The following C1orf141 variants were observed in gnomAD, a reference collection of about 807,000 sequenced individuals.
C1orf141 encodes the protein uncharacterized protein C1orf141.
C1orf141 carries 19 observed loss-of-function variants against 23.2 expected under a neutral mutation model. That is an observed-to-expected ratio of 0.82 (90% CI 0.57 to 1.20). The LOEUF (loss-of-function observed/expected upper bound fraction) is 1.20, where lower values mean the gene tolerates loss of function less well. C1orf141 is among the 50% of genes most tolerant of loss of function. C1orf141 has a pLI of 0.00. For synonymous variants in C1orf141, 153 were observed against 154.6 expected (o/e 0.99, Z 0.08); for missense variants, 469 against 455.1 (o/e 1.03, Z -0.28).
chr1:67,111,433 A>G, intron 5 of C1orf141: 2 of 438,358 alleles, frequency 4.6e-6, no homozygotes, highest in Non-Finnish European at 8.1e-6. Context: ...TTTACATAAT[A>G]TCAGAGATGA....
Position 67,095,370 on chromosome 1 carries a change from G to A in C1orf141, c.468C>T (p.Val156=), listed in dbSNP as rs775938033. Residue 156 remains valine (V), a synonymous_variant, in exon 7 of 8, where the codon GTC becomes GTT. Transcript: ENST00000684719. ...TATACTTACTTAATTGATAATTTCT[G>A]ACCGATTTGTTTTCTTTTATATTAA... ...NDFNIKENKS[V]RNYQLSKYRS... is the part of the protein sequence containing the mutation. The A allele has an allele frequency of 6.4e-7, 1 of 1,570,282 alleles. No individual in the cohort carries two copies. The highest frequency in any genetic ancestry group is 8.7e-7 in the Non-Finnish European group (1 of 1,151,848).
At chr1:67,125,997 A>C in intron 3 of C1orf141, 88 bp from the exon 4 acceptor site, 2 of 1,304,748 alleles carry the variant, frequency 1.5e-6, no homozygotes, top group Non-Finnish European at 2.1e-6. Context: ...AAAAAATCTC[A>C]CTTTACACAC....
At chr1:67,133,819 CTCCATT>C (rs1001104102) in intron 1 of C1orf141, among the ~76,000 whole-genome samples, 1 of 152,120 alleles carries the variant, frequency 6.6e-6, no homozygotes, top group African/African-American at 2.4e-5. Context: ...CTGCCCACCT[CTCCATT>C]TCCAACTTTT....
chr1:67,096,795 A>C (rs1323444729), intron 5 of C1orf141, among the ~76,000 whole-genome samples: 1 of 152,202 alleles, frequency 6.6e-6, no homozygotes, highest in Non-Finnish European at 1.5e-5. Context: ...TATTAGTAAC[A>C]GTTTTAGCTT....
chr1:67,095,298 T>G lies in C1orf141; in HGVS notation c.540A>C (p.Glu180Asp). Residue 180 changes from glutamate to aspartate, a missense_variant, in exon 7 of 8, where the codon GAA (glutamate) becomes GAC (aspartate). Glu to Asp is a conservative substitution (Grantham distance 45, BLOSUM62 2). This residue lies in a region of C1orf141 where 370 missense variants were observed against 348.1 expected (regional missense o/e 1.06). Transcript: ENST00000684719. ...KSLLPLCFEDELKNPHAKIVN... is the reference protein window; with the variant it reads ...KSLLPLCFEDDLKNPHAKIVN... ...CTATCTTGGCATGTGGATTTTTCAA[T>G]TCATCCTCAAAGCACAACGGGAGCA... The G allele has an allele frequency of 6.2e-7, 1 of 1,608,648 alleles. No individual in the cohort carries two copies. Among genetic ancestry groups the G allele is most frequent in the Non-Finnish European group, 8.5e-7 (1 of 1,176,494 alleles).
intron 4 of C1orf141, among the ~76,000 whole-genome samples, chr1:67,121,275 A>T (rs557042785): frequency 1.3e-5 from 2 of 152,298 alleles, no homozygotes; most frequent in East Asian, 3.9e-4. Context: ...CTTATTTTTC[A>T]TGCTATTCAA....
At chr1:67,109,720 G>A (rs930095231) in intron 5 of C1orf141, among the ~76,000 whole-genome samples, 1 of 152,014 alleles carries the variant, frequency 6.6e-6, no homozygotes, top group Non-Finnish European at 1.5e-5. Context: ...TAGTATTTAC[G>A]TCATTGGGTT....
intron 5 of C1orf141, among the ~76,000 whole-genome samples, chr1:67,108,779 G>T (rs1009119856): frequency 1.3e-5 from 2 of 151,818 alleles, no homozygotes; most frequent in African/African-American, 4.8e-5. Context: ...CAAAAAGTAG[G>T]CAAAGGATAT....
intron 4 of C1orf141, chr1:67,123,446 T>C (rs1180302782): frequency 2.0e-5 from 3 of 149,576 alleles, no homozygotes; most frequent in African/African-American, 5.1e-5. Flanking sequence ...TCTAGTTTAT[T>C]TGTCTCTTGT....
rs780053776 is a variant in C1orf141 at position 67,093,592 on chromosome 1, T to C, written c.616A>G (p.Thr206Ala). 6.4e-7 allele frequency: 1 copy of C among 1,565,818 alleles called. No homozygotes were observed. Among genetic ancestry groups the C allele is most frequent in the East Asian group, 2.3e-5 (1 of 44,252 alleles). The change falls in exon 8 of 8, where the codon ACA becomes GCA. Residue 206 changes from threonine (T) to alanine (A), a missense_variant. Transcript: ENST00000684719. ...TVTSHMEQKD[T>A]NPIIFHDTEY... ...GTGTCATGGAAAATTATGGGATTTG[T>C]GTCCTTTTGTTCCTGTAGATTAAAG...
upstream of C1orf141, among the ~76,000 whole-genome samples, chr1:67,139,605 T>C (rs1646616012): frequency 6.6e-6 from 1 of 152,244 alleles, no homozygotes; most frequent in African/African-American, 2.4e-5. Flanking sequence ...ACAGTAAACA[T>C]ATTCATTTGT....
intron 5 of C1orf141, among the ~76,000 whole-genome samples, chr1:67,109,178 A>T (rs956633206): frequency 6.6e-6 from 1 of 151,968 alleles, no homozygotes; most frequent in Non-Finnish European, 1.5e-5. Flanking sequence ...ATACAAAAAA[A>T]TTAGCCAGCA....
intron 4 of C1orf141, among the ~76,000 whole-genome samples, chr1:67,118,613 C>A (rs1169423985): frequency 6.6e-6 from 1 of 152,144 alleles, no homozygotes; most frequent in Non-Finnish European, 1.5e-5. Context: ...ATGTTTGTAT[C>A]CCCCTCAAAT....
chr1:67,103,312 G>T, intron 5 of C1orf141: 1 of 1,493,342 alleles, frequency 6.7e-7, no homozygotes, highest in African/African-American at 1.4e-5. Context: ...AAAGTCTGTA[G>T]AACCCAGTGA....
At chr1:67,104,380 T>A (rs1280920857) in intron 5 of C1orf141, among the ~76,000 whole-genome samples, 1 of 152,070 alleles carries the variant, frequency 6.6e-6, no homozygotes, top group East Asian at 1.9e-4. Flanking sequence ...TTATTATTTA[T>A]TGGGATTAAA....
rs75808436 is a variant in C1orf141, at chr1:67,125,927, TGAAA to T, written c.76-22_76-19del. 2 of 1,112,170 alleles carry T rather than the reference TGAAA, an allele frequency of 1.8e-6. No individual in the cohort carries two copies. The highest frequency in any genetic ancestry group is 1.1e-6 in the Non-Finnish European group (1 of 909,846). The allele number at this position is 1,112,170 out of a possible 1,614,324, so 68.9% of individuals were successfully genotyped here. ...CTGTTTATCTGCAGCAATGCCAAAG[TGAAA>T]AAAAAAAAAAAAAAAAGAGTACTTT... On this transcript the variant is annotated intron_variant, in intron 3 of 7. Transcript: ENST00000684719.
intron 5 of C1orf141, chr1:67,111,526 A>T: frequency 1.5e-6 from 1 of 674,846 alleles, no homozygotes. Context: ...AATTATTAGG[A>T]CTAATTTGAA....
At chr1:67,095,803 T>A (rs867927570) in intron 6 of C1orf141, 5 of 189,048 alleles carry the variant, frequency 2.6e-5, no homozygotes, top group African/African-American at 4.7e-5. Context: ...GATAGAATAG[T>A]GTGGTCAGGC....
intron 5 of C1orf141, among the ~76,000 whole-genome samples, chr1:67,109,014 A>G (rs1027638897): frequency 6.6e-6 from 1 of 152,142 alleles, no homozygotes; most frequent in Admixed American, 6.6e-5. Context: ...ACTATGGAAA[A>G]CAGTATGAAA....
Sources: allele counts gnomAD v4.1 joint callset (sites outside exome capture counted in the v4.1 genomes callset), GRCh38; gene constraint gnomAD v4.1.1; regional missense constraint gnomAD v4.1.1; transcripts MANE v1.5; gene names NCBI Gene and HGNC (gene_info 2026-07-23, HGNC 2026-07-21).